Variants in ZNF532 observed in about 807,000 individuals in gnomAD.
ZNF532 encodes the protein zinc finger protein 532.
ZNF532 carries 22 observed loss-of-function variants against 89.3 expected under a neutral mutation model. The observed-to-expected ratio is 0.25, with a 90% confidence interval of 0.18 to 0.35. The LOEUF is 0.35. Ranked by LOEUF, ZNF532 falls within the 10% of genes least tolerant of loss-of-function variation. ZNF532 has a pLI of 1.00. For synonymous variants in ZNF532, 606 were observed against 649.6 expected (o/e 0.93, Z 1.02); for missense variants, 1,132 against 1,643.4 (o/e 0.69, Z 5.38).
At chr18:58,894,491 T>C (rs1013648479) in intron 2 of ZNF532, among the ~76,000 whole-genome samples, 7 of 142,948 alleles carry the variant, frequency 4.9e-5, no homozygotes, top group African/African-American at 1.8e-4. Flanking sequence ...AAAAAGAAAA[T>C]AGACTTTCCT....
At chr18:58,902,878 T>C (rs1040144341) in intron 2 of ZNF532, among the ~76,000 whole-genome samples, 7 of 152,170 alleles carry the variant, frequency 4.6e-5, no homozygotes, top group African/African-American at 1.7e-4. Flanking sequence ...TGAAAGTGAA[T>C]GAAATGCAGT....
At chr18:58,889,666 G>A (rs2058741487) in intron 2 of ZNF532, among the ~76,000 whole-genome samples, 1 of 151,942 alleles carries the variant, frequency 6.6e-6, no homozygotes, top group Non-Finnish European at 1.5e-5. Flanking sequence ...CCAGCTACTC[G>A]GGAGGCTGAG....
chr18:58,893,669 AAAG>A (rs1465005982), intron 2 of ZNF532, among the ~76,000 whole-genome samples: 8 of 151,902 alleles, frequency 5.3e-5, no homozygotes, highest in East Asian at 3.9e-4. Flanking sequence ...AAAAAAAAAA[AAAG>A]AAAGAAATGA....
chr18:58,917,962 C>A (rs1464763144), intron 2 of ZNF532, among the ~76,000 whole-genome samples: 4 of 152,182 alleles, frequency 2.6e-5, no homozygotes, highest in Non-Finnish European at 4.4e-5. Context: ...TTTCTAGTTG[C>A]TACACCAGAA....
chr18:58,965,069 T>C, intron 7 of ZNF532, among the ~76,000 whole-genome samples: 1 of 151,598 alleles, frequency 6.6e-6, no homozygotes, highest in East Asian at 1.9e-4. Context: ...TGATATTTTA[T>C]TAGTATGGTT....
chr18:58,975,827 A>G (rs1186685143), intron 7 of ZNF532, among the ~76,000 whole-genome samples: 1 of 152,214 alleles, frequency 6.6e-6, no homozygotes, highest in Non-Finnish European at 1.5e-5. Context: ...AGTAACTCAG[A>G]ACTGAGTAGG....
At chr18:58,900,612 G>GT (rs1210370300) in intron 2 of ZNF532, among the ~76,000 whole-genome samples, 1 of 152,122 alleles carries the variant, frequency 6.6e-6, no homozygotes, top group Non-Finnish European at 1.5e-5. Flanking sequence ...TCATGATCTG[G>GT]TGGTCACCTG....
At chr18:58,972,078 C>T (rs896315001) in intron 7 of ZNF532, among the ~76,000 whole-genome samples, 1 of 152,194 alleles carries the variant, frequency 6.6e-6, no homozygotes, top group African/African-American at 2.4e-5. Context: ...GTGGTACACA[C>T]CTGCAGTCCC....
intron 2 of ZNF532, among the ~76,000 whole-genome samples, chr18:58,888,495 G>C: frequency 6.6e-6 from 1 of 150,604 alleles, no homozygotes; most frequent in Admixed American, 6.7e-5. Flanking sequence ...GGCCAACATG[G>C]TGAAACCCTG....
chr18:58,971,551 C>CAGAA (rs1249865458), intron 7 of ZNF532, among the ~76,000 whole-genome samples: 1 of 152,170 alleles, frequency 6.6e-6, no homozygotes, highest in Non-Finnish European at 1.5e-5. Flanking sequence ...GTAGTTGCAA[C>CAGAA]AGAAACCTTA....
chr18:58,972,550 T>G (rs1049563601), intron 7 of ZNF532, among the ~76,000 whole-genome samples: 2 of 152,128 alleles, frequency 1.3e-5, no homozygotes, highest in Admixed American at 6.5e-5. Context: ...AGGAATTCCC[T>G]CAATATCTGG....
At chr18:58,888,761 A>ATAT (rs1450919884) in intron 2 of ZNF532, among the ~76,000 whole-genome samples, 5 of 9,438 alleles carry the variant, frequency 5.3e-4, no homozygotes, top group South Asian at 2.2e-3. Flanking sequence ...ATATAAAATT[A>ATAT]ATATATATAA....
chr18:58,947,713 T>TAA (rs201656764), intron 5 of ZNF532, among the ~76,000 whole-genome samples: 5 of 146,698 alleles, frequency 3.4e-5, no homozygotes, highest in South Asian at 2.1e-4. Context: ...TGTCTGATCT[T>TAA]AAAAAAAAAA....
In ZNF532 at chr18:58,948,213, T is replaced by C. The variant is rs775432236; in HGVS notation, c.2852T>C (p.Met951Thr). 1.2e-6 allele frequency: 2 copies of C among 1,612,108 alleles called. No individual in the cohort carries two copies. The highest frequency in any genetic ancestry group is 1.7e-6 in the Non-Finnish European group (2 of 1,179,222). ...CSLLYAQKQLMMDHIKSMHGT... is the reference protein window; with the variant it reads ...CSLLYAQKQLTMDHIKSMHGT... Reference sequence around the variant, plus strand: ...CTTTTATATGCACAGAAGCAACTTATGATGGACCATATCAAGGTGTGTGTG... The same window carrying C: ...CTTTTATATGCACAGAAGCAACTTACGATGGACCATATCAAGGTGTGTGTG... The change falls in exon 6 of 10, where the codon ATG becomes ACG. Residue 951 changes from methionine to threonine, a missense_variant. Met to Thr is a moderately conservative substitution (Grantham distance 81, BLOSUM62 -1). Around this residue, in one of 9 missense-constraint regions of ZNF532, gnomAD observed 415 missense variants for 604.8 expected, o/e 0.69. Transcript: ENST00000591808.
intron 2 of ZNF532, among the ~76,000 whole-genome samples, chr18:58,903,310 C>T (rs190799935): frequency 2.6e-5 from 4 of 152,186 alleles, no homozygotes; most frequent in Non-Finnish European, 5.9e-5. Context: ...GAAAAACACA[C>T]GCGGAACCGC....
At chr18:58,948,302 G>A in intron 6 of ZNF532, 73 bp downstream of exon 6, 1 of 1,475,574 alleles carries the variant, frequency 6.8e-7, no homozygotes, top group Non-Finnish European at 9.2e-7. Context: ...AGGCTGAGCT[G>A]CAGGTGACTC....
intron 2 of ZNF532, among the ~76,000 whole-genome samples, chr18:58,908,620 G>T (rs1009673173): frequency 2.6e-5 from 4 of 152,204 alleles, no homozygotes; most frequent in Non-Finnish European, 2.9e-5. Flanking sequence ...ATTAGCTTAT[G>T]AAGTTGAGGG....
In ZNF532 at chr18:58,920,735, C is replaced by CGTGT. The variant is rs5825306; in HGVS notation, c.2346+155_2346+158dup. On this transcript the variant is annotated intron_variant, in intron 3 of 9. Coordinates refer to ENST00000591808, the MANE Select transcript of ZNF532 (RefSeq NM_001375912.1). ...TAGGGTGGGAATGCAGTGAAATGGA[C>CGTGT]GTGTGTGTGTGTGTGTGTGTGTGTG... is the stretch of plus-strand genomic sequence containing the variant. 2.0e-3 allele frequency: 846 copies of CGTGT among 421,396 alleles called. 3 individuals are homozygous for CGTGT. The highest frequency in any genetic ancestry group is 2.4e-3 in the Non-Finnish European group (608 of 250,602). The allele number at this position is 421,396 out of a possible 1,614,324, so 26.1% of individuals were successfully genotyped here. A position where few individuals can be genotyped will look rare whatever the true frequency, so the allele number is the denominator to read the frequency against.
intron 5 of ZNF532, among the ~76,000 whole-genome samples, chr18:58,945,730 TA>T (rs201953771): frequency 0.018 from 2,726 of 151,162 alleles, 35 homozygotes; most frequent in Non-Finnish European, 0.029. Flanking sequence ...TTTATTTATT[TA>T]TTTTTTTTTT....
Sources: allele counts gnomAD v4.1 joint callset (sites outside exome capture counted in the v4.1 genomes callset), GRCh38; gene constraint gnomAD v4.1.1; regional missense constraint gnomAD v4.1.1; transcripts MANE v1.5; gene names NCBI Gene and HGNC (gene_info 2026-07-23, HGNC 2026-07-21).